Variants in PTPRN2 observed in about 807,000 individuals in gnomAD.
The protein encoded by PTPRN2 is receptor-type tyrosine-protein phosphatase N2.
In PTPRN2, 74 loss-of-function variants were observed where a neutral mutation model predicts 118.8. The ratio of observed to expected loss-of-function variants is 0.62; its 90% CI spans 0.52 to 0.76. The LOEUF (loss-of-function observed/expected upper bound fraction) is 0.76. Ranked by LOEUF, PTPRN2 falls within the 30% of genes least tolerant of loss-of-function variation. The probability of loss-of-function intolerance (pLI) is 0.00; values close to 1 mark genes in which losing one functional copy is unlikely to be tolerated. For synonymous variants in PTPRN2, 641 were observed against 608.0 expected, an observed-to-expected ratio of 1.05 and a Z score of -0.80; for missense variants, 1,481 against 1,394.4, an observed-to-expected ratio of 1.06 and a Z score of -0.99.
At chr7:158,092,869 G>C (rs1814305150) in intron 10 of PTPRN2, among the ~76,000 whole-genome samples, 1 of 152,200 alleles carries the variant, frequency 6.6e-6, no homozygotes, top group African/African-American at 2.4e-5. Context: ...CTGGCCTTGA[G>C]TAGGTGGGCG....
At chr7:157,579,736 A>G (rs1800252467) in intron 17 of PTPRN2, among the ~76,000 whole-genome samples, 1 of 152,230 alleles carries the variant, frequency 6.6e-6, no homozygotes, top group Non-Finnish European at 1.5e-5. Flanking sequence ...AACTTAATTT[A>G]AACAAGCAAT....
At chr7:157,666,715 G>C (rs995463831) in intron 13 of PTPRN2, among the ~76,000 whole-genome samples, 2 of 152,254 alleles carry the variant, frequency 1.3e-5, no homozygotes, top group Non-Finnish European at 2.9e-5. Flanking sequence ...TGAAGGCAGA[G>C]CAGCTCCACA....
At chr7:157,758,820 A>T (rs1801965337) in intron 12 of PTPRN2, among the ~76,000 whole-genome samples, 1 of 152,006 alleles carries the variant, frequency 6.6e-6, no homozygotes. Context: ...CCCTGATTTC[A>T]CGGGACTCCT....
intron 12 of PTPRN2, among the ~76,000 whole-genome samples, chr7:157,789,954 G>A (rs1004391925): frequency 1.1e-4 from 17 of 149,176 alleles, no homozygotes; most frequent in African/African-American, 3.5e-4. Context: ...GTGTGTGTGT[G>A]GTGGTGACAT....
chr7:158,218,548 T>C (rs1280784387), intron 3 of PTPRN2, among the ~76,000 whole-genome samples: 2 of 152,104 alleles, frequency 1.3e-5, no homozygotes, highest in Non-Finnish European at 2.9e-5. Flanking sequence ...GAAAACCAGC[T>C]AACAACACAA....
intron 1 of PTPRN2, among the ~76,000 whole-genome samples, chr7:158,500,205 C>T (rs1336441608): frequency 6.6e-6 from 1 of 152,190 alleles, no homozygotes; most frequent in Non-Finnish European, 1.5e-5. Context: ...CCAATTGTTA[C>T]TACAGTTTCC....
intron 3 of PTPRN2, among the ~76,000 whole-genome samples, chr7:158,262,799 ACACACTACACACATT>A (rs893796477): frequency 4.7e-5 from 7 of 148,312 alleles, no homozygotes; most frequent in African/African-American, 1.5e-4. Flanking sequence ...ATACACATTC[ACACACTACACACATT>A]CACACTGCAC....
At chr7:157,747,427 G>A (rs1354013397) in intron 12 of PTPRN2, among the ~76,000 whole-genome samples, 2 of 128,918 alleles carry the variant, frequency 1.6e-5, no homozygotes, top group Admixed American at 7.9e-5. Context: ...CTGAGCTTTG[G>A]GCTGTCCGGG....
At chr7:158,540,337 C>T (rs1280719045) in intron 1 of PTPRN2, among the ~76,000 whole-genome samples, 1 of 152,184 alleles carries the variant, frequency 6.6e-6, no homozygotes, top group African/African-American at 2.4e-5. Flanking sequence ...GGCTGTCAGC[C>T]CCTCCCTCGG....
intron 16 of PTPRN2, among the ~76,000 whole-genome samples, chr7:157,601,073 G>A (rs554533686): frequency 6.6e-6 from 1 of 152,284 alleles, no homozygotes; most frequent in East Asian, 1.9e-4. Context: ...GGGCTGTTGC[G>A]TGAACACCAT....
intron 1 of PTPRN2, among the ~76,000 whole-genome samples, chr7:158,518,856 G>C (rs574604487): frequency 1.3e-5 from 2 of 152,208 alleles, no homozygotes; most frequent in East Asian, 3.9e-4. Flanking sequence ...ATGTTGCTGG[G>C]TGCCTGTAAT....
intron 14 of PTPRN2, among the ~76,000 whole-genome samples, chr7:157,628,388 C>T (rs1056005381): frequency 2.0e-5 from 3 of 152,226 alleles, no homozygotes; most frequent in Non-Finnish European, 4.4e-5. Flanking sequence ...ATTGCAAGAG[C>T]ACCTTCTCTT....
intron 14 of PTPRN2, among the ~76,000 whole-genome samples, chr7:157,649,910 CTGAACTCGGTGGGTCGGACCCATCCAG>C: frequency 1.3e-5 from 1 of 79,402 alleles, no homozygotes; most frequent in Non-Finnish European, 3.3e-5. Flanking sequence ...CCAGCGTGCA[CTGAACTCGGTGGGTCGGACCCATCCAG>C]TGTGCACTGA....
chr7:158,303,567 A>G (rs1453536492), intron 3 of PTPRN2, among the ~76,000 whole-genome samples: 1 of 152,274 alleles, frequency 6.6e-6, no homozygotes, highest in African/African-American at 2.4e-5. Flanking sequence ...TGTAAACCTT[A>G]AAACAGCTGG....
intron 2 of PTPRN2, among the ~76,000 whole-genome samples, chr7:158,441,519 AGTGGTG>A (rs1817212135): frequency 1.9e-5 from 2 of 106,496 alleles, no homozygotes; most frequent in South Asian, 6.4e-4. Flanking sequence ...CAGTGGTGGC[AGTGGTG>A]GTGATGGTAA....
chr7:157,866,957 C>A (rs1584911008), intron 12 of PTPRN2, among the ~76,000 whole-genome samples: 2 of 129,282 alleles, frequency 1.5e-5, no homozygotes, highest in African/African-American at 6.1e-5. Context: ...CCTGGATACA[C>A]GGCCACCACC....
intron 1 of PTPRN2, among the ~76,000 whole-genome samples, chr7:158,559,267 A>G (rs1222903217): frequency 4.6e-5 from 7 of 152,268 alleles, no homozygotes; most frequent in African/African-American, 1.7e-4. Flanking sequence ...GAGAAGCAAA[A>G]AAGAAGAAAA....
intron 3 of PTPRN2, among the ~76,000 whole-genome samples, chr7:158,293,468 C>A (rs191416572): frequency 6.6e-6 from 1 of 150,812 alleles, no homozygotes; most frequent in Non-Finnish European, 1.5e-5. Context: ...CCCAGGTACT[C>A]GGGAGGCTGA....
At chr7:158,180,994 G>C (rs1452954020) in intron 5 of PTPRN2, among the ~76,000 whole-genome samples, 3 of 152,148 alleles carry the variant, frequency 2.0e-5, no homozygotes, top group Non-Finnish European at 2.9e-5. Context: ...GAAGTGGTGA[G>C]AGTGGGCATC....
Sources: allele counts gnomAD v4.1 joint callset (sites outside exome capture counted in the v4.1 genomes callset), GRCh38; gene constraint gnomAD v4.1.1; transcripts MANE v1.5; gene names NCBI Gene and HGNC (gene_info 2026-07-23, HGNC 2026-07-21).